Variants in EEFSEC observed in about 807,000 individuals in gnomAD.
EEFSEC encodes selenocysteine-specific elongation factor.
A neutral mutation model predicts 42.1 loss-of-function variants in EEFSEC; 43 were observed. That is an observed-to-expected ratio of 1.02 (90% confidence interval 0.80 to 1.32). EEFSEC has a LOEUF of 1.32. Ranked by LOEUF, EEFSEC falls within the 40% of genes most tolerant of loss-of-function variation. EEFSEC has a pLI of 0.00. For synonymous variants in EEFSEC, 354 were observed against 339.1 expected, an observed-to-expected ratio of 1.04 and a Z score of -0.48; for missense variants, 745 against 803.6, an observed-to-expected ratio of 0.93 and a Z score of 0.88.
At chr3:128,171,114 T>C (rs951819433) in intron 1 of EEFSEC, among the ~76,000 whole-genome samples, 5 of 152,202 alleles carry the variant, frequency 3.3e-5, no homozygotes, top group Admixed American at 6.5e-5. Flanking sequence ...AACTATTTGG[T>C]GCACAAGAGG....
At chr3:128,213,546 G>T (rs1172380055) in intron 1 of EEFSEC, among the ~76,000 whole-genome samples, 2 of 152,024 alleles carry the variant, frequency 1.3e-5, no homozygotes. Context: ...TGTAGCCCAG[G>T]AACTGCCTTA....
intron 1 of EEFSEC, among the ~76,000 whole-genome samples, chr3:128,228,310 T>C (rs527316292): frequency 1.3e-5 from 2 of 152,150 alleles, no homozygotes; most frequent in Non-Finnish European, 2.9e-5. Context: ...CACCTCCAGA[T>C]GAGAGGGAGC....
At chr3:128,288,336 G>A (rs1315662664) in intron 4 of EEFSEC, among the ~76,000 whole-genome samples, 1 of 152,146 alleles carries the variant, frequency 6.6e-6, no homozygotes, top group Non-Finnish European at 1.5e-5. Context: ...CACTTCCAGT[G>A]TCCTTTTCAC....
intron 1 of EEFSEC, among the ~76,000 whole-genome samples, chr3:128,182,875 G>T (rs755095715): frequency 7.0e-4 from 86 of 123,504 alleles, no homozygotes; most frequent in Non-Finnish European, 1.2e-3. Flanking sequence ...CAGCCACAGA[G>T]ATCGGGGCGG....
the EEFSEC span, among the ~76,000 whole-genome samples, chr3:128,422,744 G>A: frequency 2.0e-5 from 3 of 152,230 alleles, no homozygotes; most frequent in Non-Finnish European, 2.9e-5. Flanking sequence ...GGAGGTGCCC[G>A]GGAGGGTGGG....
intron 1 of EEFSEC, among the ~76,000 whole-genome samples, chr3:128,177,393 A>ACCACCCCCACCC (rs71615970): frequency 7.5e-6 from 1 of 133,866 alleles, no homozygotes; most frequent in Non-Finnish European, 1.6e-5. Flanking sequence ...AAATAGTGAC[A>ACCACCCCCACCC]CCACCCCCAC....
chr3:128,153,925 C>T (rs1244296979), intron 1 of EEFSEC, 102 bp downstream of exon 1: 4 of 1,401,612 alleles, frequency 2.9e-6, no homozygotes, highest in South Asian at 1.6e-5. Context: ...GGGAAATCGC[C>T]CCACCTCATT....
intron 6 of EEFSEC, among the ~76,000 whole-genome samples, chr3:128,396,438 A>G (rs139145576): frequency 6.6e-6 from 1 of 152,040 alleles, no homozygotes; most frequent in Admixed American, 6.5e-5. Flanking sequence ...CCCTCCTCAC[A>G]TGAGTTGAGG....
chr3:128,223,411 A>G (rs1433146297), intron 1 of EEFSEC, among the ~76,000 whole-genome samples: 5 of 152,234 alleles, frequency 3.3e-5, no homozygotes, highest in African/African-American at 1.2e-4. Flanking sequence ...CCAGCTGGTC[A>G]GAAGTGTGGG....
intron 6 of EEFSEC, among the ~76,000 whole-genome samples, chr3:128,400,285 A>G (rs924763406): frequency 1.3e-5 from 2 of 152,180 alleles, no homozygotes; most frequent in Non-Finnish European, 2.9e-5. Context: ...CTGTTGAGGG[A>G]CAGGGCTCCA....
intron 4 of EEFSEC, among the ~76,000 whole-genome samples, chr3:128,276,297 T>A (rs569719232): frequency 1.3e-5 from 2 of 152,342 alleles, no homozygotes; most frequent in Admixed American, 6.5e-5. Flanking sequence ...CCCGGGTCCC[T>A]GAATTCCAGT....
chr3:128,170,135 C>A (rs2687732), intron 1 of EEFSEC, among the ~76,000 whole-genome samples: 4 of 151,942 alleles, frequency 2.6e-5, no homozygotes, highest in Admixed American at 2.0e-4. Context: ...CTCCTCACCC[C>A]CCGCCCCGCC....
chr3:128,227,691 G>A (rs368464960), intron 1 of EEFSEC, among the ~76,000 whole-genome samples: 3 of 152,192 alleles, frequency 2.0e-5, no homozygotes, highest in East Asian at 1.9e-4. Context: ...GTCTGGGTCC[G>A]GGGGTGAATT....
the EEFSEC span, among the ~76,000 whole-genome samples, chr3:128,425,273 CT>C: frequency 6.6e-6 from 1 of 152,230 alleles, no homozygotes; most frequent in Non-Finnish European, 1.5e-5. Flanking sequence ...TGGGATCACA[CT>C]GTGTGTGGAC....
chr3:128,162,071 T>G (rs1277475148), intron 1 of EEFSEC, among the ~76,000 whole-genome samples: 3 of 152,200 alleles, frequency 2.0e-5, no homozygotes, highest in African/African-American at 7.2e-5. Flanking sequence ...TTGTGGTAAT[T>G]ATGTATGTTT....
At chr3:128,203,081 A>G (rs1278178652) in intron 1 of EEFSEC, among the ~76,000 whole-genome samples, 1 of 152,186 alleles carries the variant, frequency 6.6e-6, no homozygotes, top group Non-Finnish European at 1.5e-5. Context: ...TTTTCCAGGA[A>G]TGGATTATTT....
chr3:128,225,362 C>T (rs2107854959), intron 1 of EEFSEC, among the ~76,000 whole-genome samples: 1 of 152,282 alleles, frequency 6.6e-6, no homozygotes, highest in South Asian at 2.1e-4. Context: ...CAGGCAGTGC[C>T]AAGGCCCCCT....
downstream of EEFSEC, among the ~76,000 whole-genome samples, chr3:128,413,217 C>G (rs764575916): frequency 6.6e-6 from 1 of 152,092 alleles, no homozygotes; most frequent in Non-Finnish European, 1.5e-5. Context: ...TGGGAAGGCT[C>G]GGGGATTGAA....
downstream of EEFSEC, among the ~76,000 whole-genome samples, chr3:128,411,604 G>A (rs1362211992): frequency 2.6e-5 from 4 of 152,166 alleles, no homozygotes; most frequent in Non-Finnish European, 4.4e-5. Context: ...CCCACATGGA[G>A]TGAGGTCATG....
Sources: allele counts gnomAD v4.1 joint callset (sites outside exome capture counted in the v4.1 genomes callset), GRCh38; gene constraint gnomAD v4.1.1; transcripts MANE v1.5; gene names NCBI Gene and HGNC (gene_info 2026-07-23, HGNC 2026-07-21).